The following DNMT3A variants were observed in gnomAD, a reference collection of about 807,000 sequenced individuals.
The protein encoded by DNMT3A is DNA (cytosine-5)-methyltransferase 3A.
Under a neutral mutation model 117.6 loss-of-function variants are expected in DNMT3A, and 267 were observed. The ratio of observed to expected loss-of-function variants is 2.27; its 90% CI spans 2.05 to 2.51. The LOEUF (loss-of-function observed/expected upper bound fraction) is 2.51. DNMT3A is among the 30% of genes most tolerant of loss of function. The pLI is 0.00. For missense variants in DNMT3A, 1,029 were observed against 1,260.2 expected, an observed-to-expected ratio of 0.82 and a Z score of 2.78; for synonymous variants, 432 against 474.8, an observed-to-expected ratio of 0.91 and a Z score of 1.17.
In DNMT3A at chr2:25,305,106, C is replaced by T. The variant is rs1017029606; in HGVS notation, c.73-4863G>A. On this transcript the variant is annotated intron_variant, in intron 2 of 22. Transcript: ENST00000321117. The surrounding 1 kb of genome is among the most constrained non-coding windows in gnomAD (Gnocchi z 4.1). ...TAGGTGCCTGACGTGAGTCCATAGACGCAAACAGAGACACACGTACAAATC... is the reference window on the plus strand; with the variant it reads ...TAGGTGCCTGACGTGAGTCCATAGATGCAAACAGAGACACACGTACAAATC... Among the ~76,000 whole-genome samples the T allele has an allele frequency of 3.3e-5, 5 of 152,172 alleles. No homozygotes were observed. Among genetic ancestry groups the T allele is most frequent in the African/African-American group, 1.2e-4 (5 of 41,438 alleles).
At chr2:25,260,635 T>G (rs191979351) in intron 6 of DNMT3A, among the ~76,000 whole-genome samples, 2 of 152,322 alleles carry the variant, frequency 1.3e-5, no homozygotes, top group East Asian at 1.9e-4. Context: ...GGGGAAGAGC[T>G]GTCGCATCTG....
intron 3 of DNMT3A, among the ~76,000 whole-genome samples, chr2:25,297,702 G>A (rs1299269176): frequency 6.6e-6 from 1 of 152,090 alleles, no homozygotes; most frequent in Non-Finnish European, 1.5e-5. Flanking sequence ...TAGAGACAAG[G>A]TTTCACCATG....
intron 1 of DNMT3A, chr2:25,328,850 G>T (rs2034897009): frequency 2.5e-6 from 1 of 396,510 alleles, no homozygotes; most frequent in Non-Finnish European, 5.4e-6. Flanking sequence ...GATCCCCAAG[G>T]TGAAGGGGTT....
At chr2:25,330,483 C>T (rs867896448) in intron 1 of DNMT3A, among the ~76,000 whole-genome samples, 1 of 152,228 alleles carries the variant, frequency 6.6e-6, no homozygotes, top group South Asian at 2.1e-4. Flanking sequence ...AAAGGTCTCC[C>T]CAGGGGTGTG....
intron 3 of DNMT3A, among the ~76,000 whole-genome samples, chr2:25,291,022 C>T (rs2032718648): frequency 6.6e-6 from 1 of 152,176 alleles, no homozygotes; most frequent in Non-Finnish European, 1.5e-5. Context: ...GACTCTTCAC[C>T]GTCACGTGCA....
At chr2:25,272,305 T>C (rs988457063) in intron 6 of DNMT3A, among the ~76,000 whole-genome samples, 4 of 152,232 alleles carry the variant, frequency 2.6e-5, no homozygotes, top group African/African-American at 2.4e-5. Flanking sequence ...TCTTTTTAAA[T>C]TTTAGTAGAG....
At chr2:25,295,596 A>C (rs577855506) in intron 3 of DNMT3A, among the ~76,000 whole-genome samples, 83 of 152,316 alleles carry the variant, frequency 5.4e-4, no homozygotes, top group Non-Finnish European at 9.1e-4. Flanking sequence ...TCACATATTA[A>C]CTGACAGAGA....
intron 6 of DNMT3A, among the ~76,000 whole-genome samples, chr2:25,251,239 T>G (rs996606384): frequency 6.6e-6 from 1 of 151,174 alleles, no homozygotes; most frequent in Non-Finnish European, 1.5e-5. Context: ...CTCACTAGAC[T>G]AGGCCTGTCT....
chr2:25,254,926 C>T lies in DNMT3A; in HGVS notation c.640-6674G>A, dbSNP rs1318641654. 1.3e-5 allele frequency among the ~76,000 whole-genome samples: 2 copies of T among 152,194 alleles called. No homozygotes were observed. The highest frequency in any genetic ancestry group is 4.8e-5 in the African/African-American group (2 of 41,452). ...GCCAGAACTGTTCACTTTCTCTTGG[C>T]CACATATTAGGTAGCTGTTCCCTCC... On this transcript the variant is annotated intron_variant, in intron 6 of 22. Transcript: ENST00000321117. This position sits in a 1 kb window ranked among gnomAD's most constrained non-coding sequence, Gnocchi z 4.7.
chr2:25,307,654 C>T (rs1319782624), intron 2 of DNMT3A, among the ~76,000 whole-genome samples: 2 of 151,988 alleles, frequency 1.3e-5, no homozygotes, highest in African/African-American at 2.4e-5. Context: ...TTAGTAGAGA[C>T]GGGGTTTTGC....
rs201087661 is a variant in DNMT3A, at chr2:25,300,704, A to AATAAT, written c.73-466_73-462dup. 3.3e-4 allele frequency among the ~76,000 whole-genome samples: 17 copies of AATAAT among 52,128 alleles called. No individual in the cohort carries two copies. In the East Asian group the frequency reaches 5.4e-3, roughly 16 times the overall value. The allele number at this position is 52,128 out of a possible 152,430, so 34.2% of individuals were successfully genotyped here. ...ATTTAGATATATATTTATATATCTA[A>AATAAT]ATAATATAATATATATATATATATA... is the stretch of plus-strand genomic sequence containing the variant. On this transcript the variant is annotated intron_variant, in intron 2 of 22. Transcript: ENST00000321117.
rs1344139806 is a variant in DNMT3A at position 25,236,671 on chromosome 2, G to A, written c.2478+265C>T. On this transcript the variant is annotated intron_variant, in intron 21 of 22. Transcript: ENST00000321117. This position sits in a 1 kb window ranked among gnomAD's most constrained non-coding sequence, Gnocchi z 4.5. Reference sequence around the variant, plus strand: ...CAAAAAATTTAAAAATGAAAAAAAAGCCACAGCACAACCAGGTCTTGGTAA... The same window carrying A: ...CAAAAAATTTAAAAATGAAAAAAAAACCACAGCACAACCAGGTCTTGGTAA... 6.6e-6 allele frequency among the ~76,000 whole-genome samples: 1 copy of A among 152,150 alleles called. No individual in the cohort carries two copies. The highest frequency in any genetic ancestry group is 1.5e-5 in the Non-Finnish European group (1 of 68,022).
intron 1 of DNMT3A, among the ~76,000 whole-genome samples, chr2:25,331,468 T>A (rs2035010327): frequency 6.6e-6 from 1 of 152,204 alleles, no homozygotes; most frequent in Non-Finnish European, 1.5e-5. Flanking sequence ...TGCCTCTGAA[T>A]GGAGAGTGAC....
chr2:25,299,768 T>A (rs896410620), intron 3 of DNMT3A, among the ~76,000 whole-genome samples: 2 of 152,168 alleles, frequency 1.3e-5, no homozygotes, highest in African/African-American at 4.8e-5. Flanking sequence ...TCGCCTCTAC[T>A]AAAAATACAA....
At position 25,275,098 on chromosome 2, in the gene DNMT3A, GAGAC is replaced by G; in HGVS notation, c.493-15_493-12del. 1 of 1,566,990 alleles carries G rather than the reference GAGAC, an allele frequency of 6.4e-7. No individual in the cohort carries two copies. ...CCGGCCCCGGGAGCCCTAGGACAGA[GAGAC>G]AGACATTAGGGCATTAGGGTGGGCA... On this transcript the variant is annotated splice_polypyrimidine_tract_variant and intron_variant, in intron 5 of 22. Transcript: ENST00000321117.
At chr2:25,268,629 G>A (rs2030582191) in intron 6 of DNMT3A, among the ~76,000 whole-genome samples, 1 of 152,134 alleles carries the variant, frequency 6.6e-6, no homozygotes, top group African/African-American at 2.4e-5. Context: ...CACAGCCCTG[G>A]CCAGCTCTGC....
Position 25,332,952 on chromosome 2 carries a change from G to A in DNMT3A, c.-178+8874C>T, listed in dbSNP as rs1046922431. ...CAGAACCCAGCAAAGGCCACTCTCC[G>A]CTTAGCTCCAAAGAGACCAGTGGGC... On this transcript the variant is annotated intron_variant, in intron 1 of 22. Transcript: ENST00000321117. Among the ~76,000 whole-genome samples the A allele has an allele frequency of 3.9e-5, 6 of 152,342 alleles. No individual in the cohort carries two copies. The South Asian group carries it at 6.2e-4, about 16-fold the overall frequency.
intron 11 of DNMT3A, 42 bp downstream of exon 11, chr2:25,246,118 C>T (rs2149299244): frequency 1.9e-6 from 3 of 1,614,154 alleles, no homozygotes; most frequent in Non-Finnish European, 2.5e-6. Flanking sequence ...TCCTCGGATG[C>T]AGGCCTCCTG....
chr2:25,249,820 C>A, intron 6 of DNMT3A: 1 of 1,341,672 alleles, frequency 7.5e-7, no homozygotes, highest in South Asian at 1.2e-5. Context: ...CAAGGCTTTG[C>A]ACCCATTTCC....
Sources: allele counts gnomAD v4.1 joint callset (sites outside exome capture counted in the v4.1 genomes callset), GRCh38; gene constraint gnomAD v4.1.1; non-coding constraint Gnocchi (gnomAD v3.1); transcripts MANE v1.5; gene names NCBI Gene and HGNC (gene_info 2026-07-23, HGNC 2026-07-21).